The following CAP2 variants were observed in gnomAD, a reference collection of about 807,000 sequenced individuals.
CAP2 encodes cyclase associated actin cytoskeleton regulatory protein 2.
In CAP2, 24 loss-of-function variants were observed where a neutral mutation model predicts 57.7. The observed-to-expected ratio is 0.42, with a 90% CI of 0.30 to 0.58. The LOEUF (loss-of-function observed/expected upper bound fraction) is 0.58. Among genes scored for constraint, CAP2 ranks in the 20% least tolerant of loss-of-function variants. The probability of loss-of-function intolerance (pLI) is 0.22; values close to 1 mark genes in which losing one functional copy is unlikely to be tolerated. For missense variants in CAP2, 501 were observed against 590.3 expected (o/e 0.85, Z 1.57); for synonymous variants, 194 against 207.2 (o/e 0.94, Z 0.55).
rs1230009375 is a variant in CAP2 at position 17,514,091 on chromosome 6, C to T, written c.636+137C>T. The T allele has an allele frequency of 2.7e-5, 17 of 641,372 alleles. 1 individual carries two copies. Among genetic ancestry groups the T allele is most frequent in the Admixed American group, 1.5e-4 (6 of 39,952 alleles). The allele number at this position is 641,372 out of a possible 1,614,324, so 39.7% of individuals were successfully genotyped here. ...AAATGTCCATGTGGAGGGCCAGGCG[C>T]GGTGGCTCACGCCTGTAATCCCAGC... On this transcript the variant is annotated intron_variant, in intron 7 of 12. Coordinates refer to ENST00000229922, the MANE Select transcript of CAP2 (RefSeq NM_006366.3).
chr6:17,499,214 C>T (rs1276351715), intron 4 of CAP2, among the ~76,000 whole-genome samples: 1 of 150,498 alleles, frequency 6.6e-6, no homozygotes, highest in Middle Eastern at 3.3e-3. Context: ...GCCTGGCCAA[C>T]ATGGTGAAAC....
chr6:17,551,119 TATC>T (rs1471070691), intron 11 of CAP2, among the ~76,000 whole-genome samples: 3 of 152,248 alleles, frequency 2.0e-5, no homozygotes, highest in Non-Finnish European at 2.9e-5. Context: ...TTGTTTCTTT[TATC>T]ATGAAATCAA....
Position 17,556,984 on chromosome 6 carries a change from A to G in CAP2, c.*542A>G, listed in dbSNP as rs1166213033. On this transcript the variant is annotated 3_prime_UTR_variant, in exon 13 of 13. Transcript: ENST00000229922. ...ATTTCAACCCACGCTTGTAAAAGAC[A>G]TAAGAGTTTATAAAGGACCAAATTC... The G allele has an allele frequency of 2.1e-5, 2 of 97,300 alleles. No homozygotes were observed. Among genetic ancestry groups the G allele is most frequent in the South Asian group, 3.7e-4 (1 of 2,728 alleles). The allele number at this position is 97,300 out of a possible 1,614,324, so 6.0% of individuals were successfully genotyped here.
intron 4 of CAP2, among the ~76,000 whole-genome samples, chr6:17,498,429 A>G (rs1761721048): frequency 6.6e-6 from 1 of 152,222 alleles, no homozygotes; most frequent in Non-Finnish European, 1.5e-5. Context: ...CTTTTGCAGA[A>G]AAGACATTGT....
intron 7 of CAP2, among the ~76,000 whole-genome samples, chr6:17,514,383 G>C (rs779769095): frequency 1.3e-5 from 2 of 151,158 alleles, no homozygotes; most frequent in African/African-American, 4.9e-5. Flanking sequence ...ATGTAGAAAC[G>C]GTTTATGGAA....
chr6:17,536,532 C>T lies in CAP2; in HGVS notation c.637-2737C>T, dbSNP rs1029316832. On this transcript the variant is annotated intron_variant, in intron 7 of 12. Coordinates refer to ENST00000229922, the MANE Select transcript of CAP2 (RefSeq NM_006366.3). Reference sequence around the variant, plus strand: ...CTTTGTAGCATTAAATGCTTTGTCTCGCGTTCCTGGGCCAGCCATCTGAAT... The same window carrying T: ...CTTTGTAGCATTAAATGCTTTGTCTTGCGTTCCTGGGCCAGCCATCTGAAT... Among the ~76,000 whole-genome samples, 6 of 152,278 alleles carry T rather than the reference C, an allele frequency of 3.9e-5. No individual in the cohort carries two copies. The East Asian group carries it at 5.8e-4, about 15-fold the overall frequency.
intron 3 of CAP2, among the ~76,000 whole-genome samples, chr6:17,456,406 T>G (rs1364021656): frequency 6.6e-6 from 1 of 152,194 alleles, no homozygotes; most frequent in Non-Finnish European, 1.5e-5. Context: ...TGGGTGAAAT[T>G]TGTCTTTAGC....
At chr6:17,406,955 A>C (rs1429514969) in intron 1 of CAP2, among the ~76,000 whole-genome samples, 2 of 152,130 alleles carry the variant, frequency 1.3e-5, no homozygotes, top group Non-Finnish European at 2.9e-5. Flanking sequence ...TGAGAAAAAA[A>C]CCAGCATTTT....
intron 3 of CAP2, among the ~76,000 whole-genome samples, chr6:17,434,518 T>C (rs1279274796): frequency 1.3e-5 from 2 of 152,148 alleles, no homozygotes; most frequent in Admixed American, 6.5e-5. Context: ...CGTGAGCCAC[T>C]GCACCTGGCC....
At chr6:17,403,801 C>T (rs1758876772) in intron 1 of CAP2, among the ~76,000 whole-genome samples, 1 of 152,090 alleles carries the variant, frequency 6.6e-6, no homozygotes, top group African/African-American at 2.4e-5. Context: ...TATTAAAGAC[C>T]AGCCTGTTCC....
intron 1 of CAP2, among the ~76,000 whole-genome samples, chr6:17,398,100 T>G (rs1354347196): frequency 6.6e-6 from 1 of 152,224 alleles, no homozygotes; most frequent in African/African-American, 2.4e-5. Flanking sequence ...GTGGAAAATC[T>G]AAAATTTCAC....
intron 4 of CAP2, among the ~76,000 whole-genome samples, chr6:17,497,553 T>C (rs1228949371): frequency 6.6e-6 from 1 of 152,240 alleles, no homozygotes; most frequent in South Asian, 2.1e-4. Flanking sequence ...AGCAATTTTG[T>C]ATGTCGTTAT....
intron 3 of CAP2, among the ~76,000 whole-genome samples, chr6:17,442,712 A>T (rs1004708781): frequency 3.7e-4 from 45 of 123,240 alleles, no homozygotes; most frequent in African/African-American, 1.2e-3. Flanking sequence ...ATATAGTGAG[A>T]CCCCATCACT....
intron 4 of CAP2, among the ~76,000 whole-genome samples, chr6:17,467,654 G>A (rs2113604281): frequency 6.6e-6 from 1 of 152,190 alleles, no homozygotes; most frequent in South Asian, 2.1e-4. Flanking sequence ...CTCCTGAGTA[G>A]CTGGGATTAT....
chr6:17,487,266 C>T (rs1422423900), intron 4 of CAP2, among the ~76,000 whole-genome samples: 3 of 152,142 alleles, frequency 2.0e-5, no homozygotes, highest in Non-Finnish European at 4.4e-5. Context: ...AGAAACACTC[C>T]CAATTGGTAT....
At chr6:17,535,675 C>T (rs1762756667) in intron 7 of CAP2, among the ~76,000 whole-genome samples, 1 of 152,026 alleles carries the variant, frequency 6.6e-6, no homozygotes, top group Admixed American at 6.6e-5. Context: ...TTACCATTGA[C>T]TGGCCATTTA....
rs746622837 is a variant in CAP2, at chr6:17,551,613, C to T, written c.1350+9C>T. 2 of 1,564,320 alleles carry T rather than the reference C, an allele frequency of 1.3e-6. No individual in the cohort carries two copies. Among genetic ancestry groups the T allele is most frequent in the Non-Finnish European group, 1.7e-6 (2 of 1,154,902 alleles). ...CTCAGGATGGTGATTATGTAAGTAC[C>T]TTTCAAAAGGCTGTCAAGAATTTTT... On this transcript the variant is annotated intron_variant, in intron 12 of 12. Transcript: ENST00000229922.
chr6:17,555,987 T>C (rs1763300716), intron 12 of CAP2, among the ~76,000 whole-genome samples: 1 of 152,200 alleles, frequency 6.6e-6, no homozygotes, highest in African/African-American at 2.4e-5. Context: ...GCCACATCAT[T>C]TGGGGCCAGT....
At chr6:17,436,348 G>A (rs1475333902) in intron 3 of CAP2, among the ~76,000 whole-genome samples, 2 of 152,100 alleles carry the variant, frequency 1.3e-5, no homozygotes, top group African/African-American at 4.8e-5. Context: ...GGCCAGGCTG[G>A]TCTTGAACTC....
Sources: gnomAD v4.1 joint callset for allele counts (sites outside exome capture counted in the v4.1 genomes callset) on GRCh38, gnomAD v4.1.1 for gene constraint, MANE v1.5 for transcripts, NCBI Gene and HGNC (gene_info 2026-07-23, HGNC 2026-07-21) for gene names.